Variants in SEMA3F observed in about 807,000 individuals in gnomAD.
SEMA3F encodes the protein semaphorin-3F.
Under a neutral mutation model 98.5 loss-of-function variants are expected in SEMA3F, and 30 were observed. The observed-to-expected ratio is 0.30, with a 90% CI of 0.23 to 0.41. The LOEUF (loss-of-function observed/expected upper bound fraction) is 0.41, where lower values mean the gene tolerates loss of function less well. Among genes scored for constraint, SEMA3F ranks in the 10% least tolerant of loss-of-function variants. The pLI, the probability that SEMA3F is intolerant of heterozygous loss-of-function variation, is 1.00. For synonymous variants in SEMA3F, 380 were observed against 444.8 expected (o/e 0.85, Z 1.83); for missense variants, 866 against 1,119.3 (o/e 0.77, Z 3.23).
chr3:50,158,295 C>A lies in SEMA3F; in HGVS notation c.-48-1280C>A, dbSNP rs535916647. Among the ~76,000 whole-genome samples, 2 of 152,212 alleles carry A rather than the reference C, an allele frequency of 1.3e-5. No homozygotes were observed. The highest frequency in any genetic ancestry group is 2.9e-5 in the Non-Finnish European group (2 of 68,040). ...GACCATGAGCGGTGTGCCAGGCCCT[C>A]GGGAGAGAACATTCACACAGAGGGT... On this transcript the variant is annotated intron_variant, in intron 1 of 18. Coordinates refer to ENST00000002829, the MANE Select transcript of SEMA3F (RefSeq NM_004186.5). The surrounding 1 kb of genome is among the most constrained non-coding windows in gnomAD (Gnocchi z 4.8).
At chr3:50,175,015 G>A in intron 5 of SEMA3F, 81 bp from the exon 6 acceptor site, 1 of 914,510 alleles carries the variant, frequency 1.1e-6, no homozygotes, top group Admixed American at 2.0e-5. Flanking sequence ...TGGCCTGTGT[G>A]GTGTTAGAGG....
rs1356077737 is a variant in SEMA3F at position 50,156,415 on chromosome 3, G to T, written c.-49+851G>T. Among the ~76,000 whole-genome samples, 2 of 152,212 alleles carry T rather than the reference G, an allele frequency of 1.3e-5. No homozygotes were observed. Among genetic ancestry groups the T allele is most frequent in the Non-Finnish European group, 2.9e-5 (2 of 68,030 alleles). ...CTAATTTTTGAGATAGCTGTGTTTT[G>T]CCACCAGAACATTACTGCTTGGGAG... is the stretch of plus-strand genomic sequence containing the variant. On this transcript the variant is annotated intron_variant, in intron 1 of 18. Coordinates refer to ENST00000002829, the MANE Select transcript of SEMA3F (RefSeq NM_004186.5). The surrounding 1 kb of genome is among the most constrained non-coding windows in gnomAD (Gnocchi z 4.5).
At chr3:50,157,037 C>T (rs1432959095) in intron 1 of SEMA3F, among the ~76,000 whole-genome samples, 3 of 152,128 alleles carry the variant, frequency 2.0e-5, no homozygotes, top group South Asian at 2.1e-4. Context: ...GGCTGGGTAG[C>T]GGGTGGGGTG....
At position 50,182,173 on chromosome 3, in the gene SEMA3F, G is replaced by A. The variant is rs1699037157; in HGVS notation, c.644-111G>A. ...AGCACTCCACTGGAGATAGGATCAT[G>A]CCCCAGGGAGCCTGAGCGGGGAGAT... On this transcript the variant is annotated intron_variant, in intron 7 of 18. Coordinates refer to ENST00000002829, the MANE Select transcript of SEMA3F (RefSeq NM_004186.5). The surrounding 1 kb of genome is among the most constrained non-coding windows in gnomAD (Gnocchi z 4.5). 1 of 1,359,122 alleles carries A rather than the reference G, an allele frequency of 7.4e-7. No homozygotes were observed. The allele number at this position is 1,359,122 out of a possible 1,614,324, so 84.2% of individuals were successfully genotyped here.
At chr3:50,169,006 C>A (rs933685120) in intron 2 of SEMA3F, among the ~76,000 whole-genome samples, 2 of 152,280 alleles carry the variant, frequency 1.3e-5, no homozygotes, top group East Asian at 3.9e-4. Flanking sequence ...TGTCTATCAT[C>A]CCCAGTCCCC....
rs377482841 is a variant in SEMA3F at position 50,185,365 on chromosome 3, G to A, written c.1457-78G>A. The A allele has an allele frequency of 5.0e-6, 7 of 1,389,138 alleles. No homozygotes were observed. In the East Asian group the frequency reaches 1.5e-4, roughly 30 times the overall value. The allele number at this position is 1,389,138 out of a possible 1,614,324, so 86.1% of individuals were successfully genotyped here. On this transcript the variant is annotated intron_variant, in intron 13 of 18. Transcript: ENST00000002829. ...AATGCCCTAGGGGGGTTTGGGCCCT[G>A]GTGGGGGAAGGGGCTGAGGCTGGTA...
Position 50,186,747 on chromosome 3 carries a change from G to C in SEMA3F, c.1947+1G>C. The C allele has an allele frequency of 6.3e-7, 1 of 1,597,750 alleles. No individual in the cohort carries two copies. The highest frequency in any genetic ancestry group is 8.6e-7 in the Non-Finnish European group (1 of 1,167,494). On this transcript the variant is annotated splice_donor_variant, in intron 18 of 18. Coordinates refer to ENST00000002829, the MANE Select transcript of SEMA3F (RefSeq NM_004186.5). LOFTEE classifies it high-confidence loss of function. ...AGATCCTGGTGACCGGCGCCGAGAG[G>C]TGAGTTCCTGCGCCCGGTGCTGCAC...
rs1698069953 is a variant in SEMA3F, at chr3:50,158,216, C to T, written c.-48-1359C>T. Among the ~76,000 whole-genome samples the T allele has an allele frequency of 6.6e-6, 1 of 152,242 alleles. No individual in the cohort carries two copies. The highest frequency in any genetic ancestry group is 1.5e-5 in the Non-Finnish European group (1 of 68,042). On this transcript the variant is annotated intron_variant, in intron 1 of 18. Transcript: ENST00000002829. The surrounding 1 kb of genome is among the most constrained non-coding windows in gnomAD (Gnocchi z 4.8). Reference sequence around the variant, plus strand: ...GAGGAGGGGCTGGTTCTGATTCCCCCATCCCCCAGCTAGCCTCCCCAGGAG... The same window carrying T: ...GAGGAGGGGCTGGTTCTGATTCCCCTATCCCCCAGCTAGCCTCCCCAGGAG...
In SEMA3F at chr3:50,186,614, C is replaced by T. The variant is rs781505281; in HGVS notation, c.1815C>T (p.Ala605=). Residue 605 remains alanine, a splice_region_variant and synonymous_variant, in exon 18 of 19, where the codon GCC becomes GCT. Transcript: ENST00000002829. ...TGCTCAACCCCTCTCACTCTAAAGC[C>T]AACAAGAATGCCGTGGAGTCTGTGC... is the stretch of plus-strand genomic sequence containing the variant. The part of the protein sequence containing the change: ...IRQCRGFNSN[A]NKNAVESVQY... 6.3e-7 allele frequency: 1 copy of T among 1,589,512 alleles called. No homozygotes were observed. Among genetic ancestry groups the T allele is most frequent in the South Asian group, 1.1e-5 (1 of 89,694 alleles).
rs1425827145 is a variant in SEMA3F, at chr3:50,159,655, C to G, written c.33C>G (p.Ser11=). The change falls in exon 2 of 19, where the codon TCC becomes TCG. Residue 11 remains serine, a synonymous_variant. Transcript: ENST00000002829. The part of the protein sequence containing the change: MLVAGLLLWA[S]LLTGAWPSFP... ...TCGCCGGTCTTCTTCTCTGGGCTTCCCTACTGACCGGGGCCTGGCCATCCT... is the reference window on the plus strand; with the variant it reads ...TCGCCGGTCTTCTTCTCTGGGCTTCGCTACTGACCGGGGCCTGGCCATCCT... 1 of 1,613,068 alleles carries G rather than the reference C, an allele frequency of 6.2e-7. No individual in the cohort carries two copies. The highest frequency in any genetic ancestry group is 1.3e-5 in the African/African-American group (1 of 75,034).
At chr3:50,168,721 G>A (rs1279722471) in intron 2 of SEMA3F, among the ~76,000 whole-genome samples, 6 of 152,170 alleles carry the variant, frequency 3.9e-5, no homozygotes, top group Admixed American at 1.3e-4. Flanking sequence ...AGTGATAAAA[G>A]GGCCGGGGCC....
intron 2 of SEMA3F, among the ~76,000 whole-genome samples, chr3:50,164,609 G>A (rs1698335557): frequency 6.6e-6 from 1 of 152,192 alleles, no homozygotes; most frequent in South Asian, 2.1e-4. Context: ...ATGCAGAAGT[G>A]GTGATGGTGG....
intron 2 of SEMA3F, among the ~76,000 whole-genome samples, chr3:50,171,734 G>A (rs1397733179): frequency 6.6e-6 from 1 of 152,252 alleles, no homozygotes; most frequent in Non-Finnish European, 1.5e-5. Flanking sequence ...GCGGCCAGGC[G>A]GGGGACTCCG....
intron 2 of SEMA3F, among the ~76,000 whole-genome samples, chr3:50,170,674 C>T (rs533927344): frequency 6.6e-6 from 1 of 152,198 alleles, no homozygotes; most frequent in African/African-American, 2.4e-5. Flanking sequence ...GAATGAGGCT[C>T]AGAGAGCGAG....
intron 2 of SEMA3F, among the ~76,000 whole-genome samples, chr3:50,165,384 A>ACGGATGCATTTGGCGGGAGTGATG: frequency 6.6e-6 from 1 of 152,214 alleles, no homozygotes; most frequent in East Asian, 1.9e-4. Flanking sequence ...TTCCAGTGAT[A>ACGGATGCATTTGGCGGGAGTGATG]CGGATGCATT....
At chr3:50,184,156 G>A (rs1025173867) in intron 12 of SEMA3F, 1 of 239,140 alleles carries the variant, frequency 4.2e-6, no homozygotes, top group South Asian at 6.1e-5. Context: ...CCATGACGGG[G>A]GGCAGGCTGA....
intron 2 of SEMA3F, among the ~76,000 whole-genome samples, chr3:50,168,951 A>C (rs1251678980): frequency 6.6e-6 from 1 of 152,138 alleles, no homozygotes; most frequent in Non-Finnish European, 1.5e-5. Context: ...TTAGGGCTGC[A>C]CTGGCTCACT....
Position 50,185,912 on chromosome 3 carries a change from C to T in SEMA3F, c.1611C>T (p.Ala537=), listed in dbSNP as rs1452679873. 9 of 1,613,182 alleles carry T rather than the reference C, an allele frequency of 5.6e-6. No individual in the cohort carries two copies. Among genetic ancestry groups the T allele is most frequent in the South Asian group, 5.5e-5 (5 of 91,050 alleles). Residue 537 remains alanine, a synonymous_variant, in exon 16 of 19, where the codon GCC becomes GCT. Transcript: ENST00000002829. The part of the protein sequence containing the change: ...SKRQQLYVAS[A]VGVTHLSLHR... ...AGCAACAACTCTACGTGGCGTCAGCCGTGGGTGTCACACACCTGAGCCTGC... is the reference window on the plus strand; with the variant it reads ...AGCAACAACTCTACGTGGCGTCAGCTGTGGGTGTCACACACCTGAGCCTGC...
In SEMA3F at chr3:50,156,436, G is replaced by C. The variant is rs1037166538; in HGVS notation, c.-49+872G>C. 6.6e-6 allele frequency among the ~76,000 whole-genome samples: 1 copy of C among 152,222 alleles called. No individual in the cohort carries two copies. Among genetic ancestry groups the C allele is most frequent in the Non-Finnish European group, 1.5e-5 (1 of 68,034 alleles). ...TTTTGCCACCAGAACATTACTGCTT[G>C]GGAGAGGTAAGGGAGACGCCAACCA... On this transcript the variant is annotated intron_variant, in intron 1 of 18. Coordinates refer to ENST00000002829, the MANE Select transcript of SEMA3F (RefSeq NM_004186.5). The surrounding 1 kb of genome is among the most constrained non-coding windows in gnomAD (Gnocchi z 4.5).
Sources: allele counts gnomAD v4.1 joint callset (sites outside exome capture counted in the v4.1 genomes callset), GRCh38; gene constraint gnomAD v4.1.1; non-coding constraint Gnocchi (gnomAD v3.1); transcripts MANE v1.5; gene names NCBI Gene and HGNC (gene_info 2026-07-23, HGNC 2026-07-21).